ZNF385D: variants seen among roughly 807,000 people sequenced by gnomAD.
ZNF385D encodes the protein zinc finger protein 385D.
A neutral mutation model predicts 35.8 loss-of-function variants in ZNF385D; 15 were observed. The observed-to-expected ratio is 0.42, with a 90% confidence interval of 0.28 to 0.64. The LOEUF (loss-of-function observed/expected upper bound fraction) is 0.64, where lower values mean the gene tolerates loss of function less well. ZNF385D is among the 30% of genes least tolerant of loss of function. The pLI is 0.23. For synonymous variants in ZNF385D, 212 were observed against 186.8 expected, an observed-to-expected ratio of 1.13 and a Z score of -1.10; for missense variants, 474 against 494.6, an observed-to-expected ratio of 0.96 and a Z score of 0.39.
chr3:21,950,207 CTCCAGTATCTG>C (rs932167577), intron 3 of ZNF385D, among the ~76,000 whole-genome samples: 1 of 151,828 alleles, frequency 6.6e-6, no homozygotes, highest in African/African-American at 2.4e-5. Flanking sequence ...TCCACATCTT[CTCCAGTATCTG>C]TTGTTTCCTG....
chr3:22,106,115 G>A (rs763983958), intron 3 of ZNF385D, among the ~76,000 whole-genome samples: 5 of 152,080 alleles, frequency 3.3e-5, no homozygotes, highest in Non-Finnish European at 7.4e-5. Context: ...TGATTTGATA[G>A]GACTAAAGCA....
intron 3 of ZNF385D, among the ~76,000 whole-genome samples, chr3:22,151,796 C>T (rs779707681): frequency 5.9e-5 from 9 of 152,122 alleles, no homozygotes; most frequent in Non-Finnish European, 8.8e-5. Context: ...AAATTAACCA[C>T]CGTGAGCCCT....
At chr3:22,136,332 G>A (rs1704102432) in intron 3 of ZNF385D, among the ~76,000 whole-genome samples, 1 of 151,784 alleles carries the variant, frequency 6.6e-6, no homozygotes, top group Non-Finnish European at 1.5e-5. Flanking sequence ...AGGTTGCACT[G>A]AGCCAAGATC....
chr3:21,774,282 G>C (rs1162113951), intron 3 of ZNF385D, among the ~76,000 whole-genome samples: 1 of 151,694 alleles, frequency 6.6e-6, no homozygotes, highest in Non-Finnish European at 1.5e-5. Flanking sequence ...GGTGGGGGTG[G>C]TGAGAGGAGG....
At chr3:22,173,408 G>A (rs900276583) in intron 2 of ZNF385D, among the ~76,000 whole-genome samples, 2 of 152,070 alleles carry the variant, frequency 1.3e-5, no homozygotes, top group Non-Finnish European at 2.9e-5. Flanking sequence ...TGGATGGGAG[G>A]TCTATGGGAA....
At chr3:21,665,172 G>T in intron 1 of ZNF385D, 144 bp from the exon 2 acceptor site, 1 of 1,062,432 alleles carries the variant, frequency 9.4e-7, no homozygotes, top group Non-Finnish European at 1.3e-6. Context: ...ACTGGGAACC[G>T]GCCAATGAGC....
At chr3:22,287,525 C>T (rs1240233830) in intron 2 of ZNF385D, among the ~76,000 whole-genome samples, 1 of 151,904 alleles carries the variant, frequency 6.6e-6, no homozygotes, top group East Asian at 1.9e-4. Flanking sequence ...TGTGTACCTA[C>T]TATGGGTTTT....
At chr3:21,731,353 G>T (rs1290422340) in intron 1 of ZNF385D, among the ~76,000 whole-genome samples, 3 of 151,922 alleles carry the variant, frequency 2.0e-5, no homozygotes, top group Admixed American at 1.3e-4. Context: ...CTATTTTTTA[G>T]AGCAGTTTTA....
chr3:21,930,935 C>T (rs1264533392), intron 3 of ZNF385D, among the ~76,000 whole-genome samples: 1 of 152,040 alleles, frequency 6.6e-6, no homozygotes, highest in South Asian at 2.1e-4. Context: ...ATTAAAAGCA[C>T]AATCCATTTA....
In ZNF385D at chr3:21,946,754, C is replaced by T. The variant is rs575172456; in HGVS notation, c.325+222063G>A. ...GGCTGAAGCAGGAGAAACACTTGAA[C>T]CCAAGAGGCGGAGGTTGCAGTGAGC... On this transcript the variant is annotated intron_variant, in intron 3 of 5. Transcript: ENST00000494108. Among the ~76,000 whole-genome samples, 7 of 152,194 alleles carry T rather than the reference C, an allele frequency of 4.6e-5. 1 individual carries two copies. The highest frequency in any genetic ancestry group is 2.1e-4 in the South Asian group (1 of 4,830).
chr3:22,044,272 C>G (rs2125512025), intron 3 of ZNF385D, among the ~76,000 whole-genome samples: 1 of 151,836 alleles, frequency 6.6e-6, no homozygotes, highest in South Asian at 2.1e-4. Flanking sequence ...AGGAATGGGA[C>G]CAGTCGTCTT....
intron 2 of ZNF385D, among the ~76,000 whole-genome samples, chr3:22,312,698 T>C (rs1336065356): frequency 6.6e-6 from 1 of 151,382 alleles, no homozygotes; most frequent in Non-Finnish European, 1.5e-5. Context: ...AAAACCACAA[T>C]GAGATACCAC....
intron 3 of ZNF385D, among the ~76,000 whole-genome samples, chr3:21,533,436 T>A (rs1056876745): frequency 6.6e-6 from 1 of 152,134 alleles, no homozygotes; most frequent in Non-Finnish European, 1.5e-5. Flanking sequence ...GTGCACTCAG[T>A]ATTTGAACTC....
At chr3:21,690,275 C>T (rs541717839) in intron 1 of ZNF385D, among the ~76,000 whole-genome samples, 55 of 152,140 alleles carry the variant, frequency 3.6e-4, no homozygotes, top group African/African-American at 1.3e-3. Flanking sequence ...ACATATACAT[C>T]CATATAACGA....
intron 3 of ZNF385D, among the ~76,000 whole-genome samples, chr3:21,773,462 T>G (rs1306396645): frequency 6.6e-5 from 10 of 151,876 alleles, no homozygotes; most frequent in Admixed American, 6.6e-4. Flanking sequence ...CAAAGGAAAC[T>G]ACATCAGAGT....
At position 21,768,424 on chromosome 3, in the gene ZNF385D, A is replaced by G. The variant is rs376295209; in HGVS notation, c.326-103396T>C. Among the ~76,000 whole-genome samples, 148 of 152,126 alleles carry G rather than the reference A, an allele frequency of 9.7e-4. 3 individuals are homozygous for G. The South Asian group carries it at 0.028, about 28-fold the overall frequency. The stretch of plus-strand genomic sequence containing the variant: ...CTTTCCCCACCTAGACAACAATCAC[A>G]CTAGCAGAATCTGTTTGATATAACT... On this transcript the variant is annotated intron_variant, in intron 3 of 5. Coordinates refer to the ZNF385D transcript ENST00000494108.
intron 3 of ZNF385D, among the ~76,000 whole-genome samples, chr3:21,766,049 G>T (rs749399691): frequency 6.6e-6 from 1 of 152,058 alleles, no homozygotes; most frequent in Non-Finnish European, 1.5e-5. Context: ...GTGAAGAAAG[G>T]AAAGATAGTG....
intron 3 of ZNF385D, among the ~76,000 whole-genome samples, chr3:21,826,651 G>A (rs1040223102): frequency 1.3e-5 from 2 of 152,070 alleles, no homozygotes; most frequent in African/African-American, 4.8e-5. Context: ...CACAGAGCAG[G>A]CACTCTAAGG....
rs1553591392 is a variant in ZNF385D at position 22,030,299 on chromosome 3, A to ATATATATCTATC, written c.325+138517_325+138518insGATAGATATATA. 3.5e-5 allele frequency among the ~76,000 whole-genome samples: 4 copies of ATATATATCTATC among 114,734 alleles called. 1 individual carries two copies. The Admixed American group carries it at 4.1e-4, about 12-fold the overall frequency. The allele number at this position is 114,734 out of a possible 152,430, so 75.3% of individuals were successfully genotyped here. On this transcript the variant is annotated intron_variant, in intron 3 of 5. Coordinates refer to the ZNF385D transcript ENST00000494108. ...TATATATATATATATATATATATATATATCCTATTTGGTCCATCCCTCGAA... is the reference window on the plus strand; with the variant it reads ...TATATATATATATATATATATATATATATATATCTATCTATCCTATTTGGTCCATCCCTCGAA...
Sources: allele counts gnomAD v4.1 joint callset (sites outside exome capture counted in the v4.1 genomes callset), GRCh38; gene constraint gnomAD v4.1.1; transcripts MANE v1.5; gene names NCBI Gene and HGNC (gene_info 2026-07-23, HGNC 2026-07-21).